Variants in ME1 observed in about 807,000 individuals in gnomAD.
ME1 encodes the protein NADP-dependent malic enzyme.
ME1 carries 74 observed loss-of-function variants against 66.4 expected under a neutral mutation model. The observed-to-expected ratio is 1.11, with a 90% CI of 0.92 to 1.35. The LOEUF (loss-of-function observed/expected upper bound fraction) is 1.35, where lower values mean the gene tolerates loss of function less well. Among genes scored for constraint, ME1 ranks in the 40% most tolerant of loss-of-function variants. The pLI, the probability that ME1 is intolerant of heterozygous loss-of-function variation, is 0.00. For missense variants in ME1, 750 were observed against 694.1 expected, an observed-to-expected ratio of 1.08 and a Z score of -0.90; for synonymous variants, 251 against 235.6, an observed-to-expected ratio of 1.07 and a Z score of -0.60.
chr6:83,260,614 T>G (rs1234946625), intron 6 of ME1, among the ~76,000 whole-genome samples: 1 of 152,072 alleles, frequency 6.6e-6, no homozygotes, highest in African/African-American at 2.4e-5. Flanking sequence ...ACATGGACAC[T>G]AGGCCCCAGT....
At chr6:83,243,993 G>C (rs1008607275) in intron 7 of ME1, among the ~76,000 whole-genome samples, 1 of 149,636 alleles carries the variant, frequency 6.7e-6, no homozygotes, top group Non-Finnish European at 1.5e-5. Context: ...AAAACTTGAG[G>C]CTCATTTTCT....
At chr6:83,369,017 A>G (rs1769147813) in intron 3 of ME1, among the ~76,000 whole-genome samples, 1 of 152,180 alleles carries the variant, frequency 6.6e-6, no homozygotes, top group South Asian at 2.1e-4. Flanking sequence ...AATAGACTTT[A>G]TTATTATTAA....
intron 5 of ME1, among the ~76,000 whole-genome samples, chr6:83,317,199 G>A (rs1020368339): frequency 1.4e-4 from 22 of 152,188 alleles, no homozygotes; most frequent in African/African-American, 5.1e-4. Context: ...GCAAAATAAG[G>A]TCTTCAAACA....
intron 1 of ME1, 50 bp downstream of exon 1, chr6:83,430,827 A>C: frequency 6.8e-7 from 1 of 1,480,860 alleles, no homozygotes; most frequent in Non-Finnish European, 9.3e-7. Context: ...GAGGGCCCTG[A>C]CCCTGATAGA....
intron 6 of ME1, among the ~76,000 whole-genome samples, chr6:83,300,245 A>G (rs907304248): frequency 6.6e-6 from 1 of 151,532 alleles, no homozygotes. Context: ...AATCATCTTA[A>G]TAAAGACTTA....
At chr6:83,323,844 A>G (rs2128540846) in intron 5 of ME1, among the ~76,000 whole-genome samples, 1 of 152,336 alleles carries the variant, frequency 6.6e-6, no homozygotes, top group African/African-American at 2.4e-5. Flanking sequence ...TACCTAATAG[A>G]CATCTACAGA....
chr6:83,306,767 T>A (rs1040529182), intron 6 of ME1, among the ~76,000 whole-genome samples: 1 of 152,110 alleles, frequency 6.6e-6, no homozygotes, highest in Non-Finnish European at 1.5e-5. Flanking sequence ...AAATATAATA[T>A]GGGATAGTCA....
chr6:83,348,912 A>G (rs1768739831), intron 4 of ME1, among the ~76,000 whole-genome samples: 1 of 143,496 alleles, frequency 7.0e-6, no homozygotes, highest in Non-Finnish European at 1.5e-5. Flanking sequence ...TGAACCTAGG[A>G]GGCGGAGGTT....
In ME1 at chr6:83,317,448, T is replaced by C. The variant is rs559456612; in HGVS notation, c.601-2035A>G. Among the ~76,000 whole-genome samples the C allele has an allele frequency of 3.4e-4, 51 of 151,812 alleles. 2 individuals carry two copies. In the South Asian group the frequency reaches 0.01, roughly 31 times the overall value. On this transcript the variant is annotated intron_variant, in intron 5 of 13. Transcript: ENST00000369705. ...GCAATTGTGAATGGGAGTTCACTCA[T>C]GATTTGGCTCTCTGTTTGTCTGTTG...
chr6:83,402,066 C>A (rs186014395), intron 2 of ME1, among the ~76,000 whole-genome samples: 194 of 152,304 alleles, frequency 1.3e-3, no homozygotes, highest in Non-Finnish European at 2.5e-3. Context: ...CACTTTAGAG[C>A]AAACGAAGTG....
chr6:83,247,307 C>T (rs536865271), intron 7 of ME1, among the ~76,000 whole-genome samples: 22 of 151,864 alleles, frequency 1.4e-4, no homozygotes, highest in Non-Finnish European at 2.8e-4. Context: ...TGTTTGTCTT[C>T]AGATTATATA....
intron 6 of ME1, among the ~76,000 whole-genome samples, chr6:83,290,085 C>A (rs1027821630): frequency 1.3e-5 from 2 of 151,976 alleles, no homozygotes; most frequent in African/African-American, 4.8e-5. Flanking sequence ...CCAGCTCCTG[C>A]ATTCATTAAT....
intron 1 of ME1, among the ~76,000 whole-genome samples, chr6:83,426,648 T>TA (rs1359443727): frequency 2.6e-5 from 4 of 152,232 alleles, no homozygotes; most frequent in Admixed American, 2.0e-4. Context: ...AACTAGGTCT[T>TA]GTCATGCCAG....
At chr6:83,367,805 T>C (rs1485014454) in intron 3 of ME1, among the ~76,000 whole-genome samples, 1 of 152,230 alleles carries the variant, frequency 6.6e-6, no homozygotes, top group African/African-American at 2.4e-5. Context: ...ATGGCCGCTT[T>C]ACTTTCTTAT....
intron 5 of ME1, among the ~76,000 whole-genome samples, chr6:83,320,268 G>A (rs763189408): frequency 6.6e-6 from 1 of 152,166 alleles, no homozygotes; most frequent in Non-Finnish European, 1.5e-5. Flanking sequence ...CAGATGTTAA[G>A]AATAATCTGA....
intron 6 of ME1, among the ~76,000 whole-genome samples, chr6:83,255,007 TTCTC>T (rs1464174155): frequency 1.3e-5 from 2 of 152,174 alleles, no homozygotes; most frequent in South Asian, 2.1e-4. Context: ...CAGATGATTT[TTCTC>T]TCTTTTTCTT....
intron 3 of ME1, among the ~76,000 whole-genome samples, chr6:83,357,902 CCT>C (rs1051682306): frequency 0.014 from 448 of 31,492 alleles, 8 homozygotes; most frequent in East Asian, 0.031. Context: ...AATAAACTCC[CCT>C]CTCTCTCTCT....
chr6:83,325,716 G>C (rs1315624378), intron 5 of ME1, among the ~76,000 whole-genome samples: 1 of 150,284 alleles, frequency 6.7e-6, no homozygotes, highest in East Asian at 1.9e-4. Flanking sequence ...AAATAAGAGA[G>C]GACACAAACA....
intron 6 of ME1, among the ~76,000 whole-genome samples, chr6:83,313,106 C>A (rs931288636): frequency 1.3e-5 from 2 of 152,106 alleles, no homozygotes; most frequent in Non-Finnish European, 2.9e-5. Flanking sequence ...GTCTAGGTAA[C>A]CTGTAACAAT....
Sources: allele counts gnomAD v4.1 joint callset (sites outside exome capture counted in the v4.1 genomes callset), GRCh38; gene constraint gnomAD v4.1.1; transcripts MANE v1.5; gene names NCBI Gene and HGNC (gene_info 2026-07-23, HGNC 2026-07-21).